The following WWOX variants were observed in gnomAD, a reference collection of about 807,000 sequenced individuals.
The protein encoded by WWOX is WW domain containing oxidoreductase.
A neutral mutation model predicts 46.2 loss-of-function variants in WWOX; 69 were observed. The observed-to-expected ratio is 1.49, with a 90% CI of 1.23 to 1.82. The LOEUF (loss-of-function observed/expected upper bound fraction) is 1.82, where lower values mean the gene tolerates loss of function less well. Ranked by LOEUF, WWOX falls within the 40% of genes most tolerant of loss-of-function variation. The pLI, the probability that WWOX is intolerant of heterozygous loss-of-function variation, is 0.00. For synonymous variants in WWOX, 359 were observed against 202.6 expected, an observed-to-expected ratio of 1.77 and a Z score of -6.56; for missense variants, 919 against 542.6, an observed-to-expected ratio of 1.69 and a Z score of -6.89.
intron 8 of WWOX, among the ~76,000 whole-genome samples, chr16:79,056,110 C>T (rs1567519065): frequency 6.6e-6 from 1 of 151,934 alleles, no homozygotes; most frequent in African/African-American, 2.4e-5. Flanking sequence ...CCACTATCCC[C>T]ATTAAATTCT....
At chr16:79,116,180 G>T (rs1165297274) in intron 8 of WWOX, among the ~76,000 whole-genome samples, 4 of 152,194 alleles carry the variant, frequency 2.6e-5, no homozygotes, top group African/African-American at 9.7e-5. Flanking sequence ...CCTTGATGTT[G>T]ATGGCTGCTG....
At chr16:78,590,444 A>G (rs1212109135) in intron 8 of WWOX, among the ~76,000 whole-genome samples, 2 of 152,188 alleles carry the variant, frequency 1.3e-5, no homozygotes, top group Non-Finnish European at 2.9e-5. Flanking sequence ...CAACTCTAAT[A>G]TTATTTGAGC....
chr16:79,064,492 A>T (rs73570887), intron 8 of WWOX, among the ~76,000 whole-genome samples: 1 of 152,170 alleles, frequency 6.6e-6, no homozygotes, highest in Non-Finnish European at 1.5e-5. Context: ...TTGTTGAGGG[A>T]TTTGAGGCGT....
chr16:78,655,620 A>G (rs1223484529), intron 8 of WWOX, among the ~76,000 whole-genome samples: 2 of 152,154 alleles, frequency 1.3e-5, no homozygotes, highest in East Asian at 3.9e-4. Context: ...TGGAACGGCT[A>G]AGTAGTGATA....
intron 8 of WWOX, among the ~76,000 whole-genome samples, chr16:78,723,729 C>T (rs1044450636): frequency 1.3e-5 from 2 of 151,714 alleles, no homozygotes; most frequent in Non-Finnish European, 2.9e-5. Flanking sequence ...TCTCTGGGTT[C>T]ACTCCTGACA....
At chr16:78,395,010 G>C (rs1360108130) in intron 6 of WWOX, among the ~76,000 whole-genome samples, 4 of 152,180 alleles carry the variant, frequency 2.6e-5, no homozygotes, top group Non-Finnish European at 5.9e-5. Flanking sequence ...ATTGAAAATA[G>C]CCATAATGCA....
intron 5 of WWOX, among the ~76,000 whole-genome samples, chr16:78,210,819 C>A (rs368929594): frequency 6.6e-6 from 1 of 152,166 alleles, no homozygotes; most frequent in South Asian, 2.1e-4. Context: ...AGTAGCCTAT[C>A]TGTGGTTTAA....
At chr16:79,021,067 A>C (rs968476088) in intron 8 of WWOX, among the ~76,000 whole-genome samples, 11 of 152,176 alleles carry the variant, frequency 7.2e-5, no homozygotes, top group African/African-American at 2.7e-4. Context: ...AGAGATGTTC[A>C]TTTACCTCAT....
chr16:78,793,080 A>G (rs1361597659), intron 8 of WWOX, among the ~76,000 whole-genome samples: 1 of 151,982 alleles, frequency 6.6e-6, no homozygotes, highest in Non-Finnish European at 1.5e-5. Context: ...TCTATATCTA[A>G]TCTATTTTTT....
chr16:78,194,975 A>G (rs981504422), intron 5 of WWOX, among the ~76,000 whole-genome samples: 1 of 152,166 alleles, frequency 6.6e-6, no homozygotes, highest in African/African-American at 2.4e-5. Flanking sequence ...CTTTTTAAAC[A>G]TCTGTTGAAG....
At chr16:79,196,339 C>T (rs2051239691) in intron 8 of WWOX, 1 of 152,140 alleles carries the variant, frequency 6.6e-6, no homozygotes, top group Non-Finnish European at 1.5e-5. Flanking sequence ...TTAAAATTCA[C>T]AAGTCTATAT....
intron 4 of WWOX, among the ~76,000 whole-genome samples, chr16:78,145,511 A>T (rs1223451810): frequency 1.3e-5 from 2 of 152,162 alleles, no homozygotes; most frequent in Admixed American, 6.5e-5. Context: ...GTGTTGTTCC[A>T]TCTTCTCCTG....
At chr16:78,988,840 C>T (rs1050380638) in intron 8 of WWOX, among the ~76,000 whole-genome samples, 28 of 152,240 alleles carry the variant, frequency 1.8e-4, no homozygotes, top group African/African-American at 6.5e-4. Context: ...TCCCTGGGGC[C>T]AGCATGTTGC....
At chr16:78,537,035 A>G (rs964201742) in intron 8 of WWOX, among the ~76,000 whole-genome samples, 2 of 151,734 alleles carry the variant, frequency 1.3e-5, no homozygotes, top group South Asian at 2.1e-4. Context: ...TCAGGCCTCA[A>G]CGTCCTGAGA....
chr16:78,760,741 T>G (rs1000297546), intron 8 of WWOX, among the ~76,000 whole-genome samples: 32 of 152,196 alleles, frequency 2.1e-4, no homozygotes, highest in African/African-American at 7.7e-4. Flanking sequence ...GCAGAATACC[T>G]CTCATGCCTG....
chr16:78,666,033 C>T (rs911293731), intron 8 of WWOX, among the ~76,000 whole-genome samples: 1 of 151,782 alleles, frequency 6.6e-6, no homozygotes, highest in East Asian at 2.0e-4. Flanking sequence ...GCCTGTAATC[C>T]CAACACTCTG....
rs551568376 is a variant in WWOX at position 79,154,196 on chromosome 16, C to G, written c.1057-57412C>G. ...TCATGCCACTACAGATCGACACCCACTAAATCCTTTTAATTTAGTCTAGTG... is the reference window on the plus strand; with the variant it reads ...TCATGCCACTACAGATCGACACCCAGTAAATCCTTTTAATTTAGTCTAGTG... On this transcript the variant is annotated intron_variant, in intron 8 of 8. Coordinates refer to ENST00000566780, the MANE Select transcript of WWOX (RefSeq NM_016373.4). Among the ~76,000 whole-genome samples the G allele has an allele frequency of 3.9e-5, 6 of 152,344 alleles. No homozygotes were observed. The South Asian group carries it at 1.2e-3, about 32-fold the overall frequency.
chr16:78,987,126 C>G (rs920424944), intron 8 of WWOX, among the ~76,000 whole-genome samples: 5 of 152,170 alleles, frequency 3.3e-5, no homozygotes, highest in South Asian at 2.1e-4. Context: ...CAGTATAGGA[C>G]TCCAATATTT....
intron 8 of WWOX, among the ~76,000 whole-genome samples, chr16:78,489,614 C>T (rs953568353): frequency 6.6e-6 from 1 of 152,132 alleles, no homozygotes. Flanking sequence ...TTTCCAGAAC[C>T]TTCTAACTCT....
Sources: gnomAD v4.1 joint callset for allele counts (sites outside exome capture counted in the v4.1 genomes callset) on GRCh38, gnomAD v4.1.1 for gene constraint, MANE v1.5 for transcripts, NCBI Gene and HGNC (gene_info 2026-07-23, HGNC 2026-07-21) for gene names.